Variants in BICD1 observed in about 807,000 individuals in gnomAD.
The protein encoded by BICD1 is BICD cargo adaptor 1, also known as protein bicaudal D homolog 1.
A neutral mutation model predicts 92.5 loss-of-function variants in BICD1; 35 were observed. The ratio of observed to expected loss-of-function variants is 0.38; its 90% CI spans 0.29 to 0.50. BICD1 has a LOEUF of 0.50. Among genes scored for constraint, BICD1 ranks in the 20% least tolerant of loss-of-function variants. The pLI is 0.93. For synonymous variants in BICD1, 429 were observed against 465.1 expected (o/e 0.92, Z 1.00); for missense variants, 950 against 1,189.8 (o/e 0.80, Z 2.97).
At position 32,285,174 on chromosome 12, in the gene BICD1, A is replaced by G. The variant is rs78512647; in HGVS notation, c.427-8820A>G. 9.8e-3 allele frequency among the ~76,000 whole-genome samples: 1,492 copies of G among 152,286 alleles called. 31 individuals are homozygous for G. Among genetic ancestry groups the G allele is most frequent in the African/African-American group, 0.034 (1,403 of 41,544 alleles). On this transcript the variant is annotated intron_variant, in intron 2 of 9. Coordinates refer to ENST00000652176, the MANE Select transcript of BICD1 (RefSeq NM_001714.4). ...TACTTTTCCTTCAAGGTTCTACCCA[A>G]TGATAACTTCCTTTATAAAGTGTTC...
chr12:32,376,208 C>T (rs1044165132), intron 9 of BICD1, among the ~76,000 whole-genome samples: 1 of 151,514 alleles, frequency 6.6e-6, no homozygotes, highest in Non-Finnish European at 1.5e-5. Context: ...CTCAGCCTCC[C>T]GAATAGCTGG....
chr12:32,322,910 G>A (rs1008315620), intron 4 of BICD1, among the ~76,000 whole-genome samples: 3 of 152,096 alleles, frequency 2.0e-5, no homozygotes, highest in African/African-American at 7.2e-5. Context: ...AGGGCGTTTT[G>A]GAAACAGCCT....
At chr12:32,201,747 A>G (rs1250549562) in intron 1 of BICD1, among the ~76,000 whole-genome samples, 1 of 152,160 alleles carries the variant, frequency 6.6e-6, no homozygotes, top group African/African-American at 2.4e-5. Context: ...CAAGACCCAG[A>G]AAAAATAGTT....
rs1450703800 is a variant in BICD1 at position 32,381,590 on chromosome 12, C to T, written c.*3963C>T. On this transcript the variant is annotated 3_prime_UTR_variant, in exon 10 of 10. Transcript: ENST00000652176. Reference sequence around the variant, plus strand: ...ACATGAAAAGGAAGAAATGAAATATCTTTTCTTCTGGGATGAGTGTCAATT... The same window carrying T: ...ACATGAAAAGGAAGAAATGAAATATTTTTTCTTCTGGGATGAGTGTCAATT... 1.3e-5 allele frequency: 2 copies of T among 152,082 alleles called. No homozygotes were observed. The highest frequency in any genetic ancestry group is 2.9e-5 in the Non-Finnish European group (2 of 67,972). The allele number at this position is 152,082 out of a possible 1,614,324, so 9.4% of individuals were successfully genotyped here.
At position 32,327,933 on chromosome 12, in the gene BICD1, T is replaced by C; in HGVS notation, c.1478T>C (p.Ile493Thr). 4 of 1,614,090 alleles carry C rather than the reference T, an allele frequency of 2.5e-6. No homozygotes were observed. The South Asian group carries it at 4.4e-5, about 18-fold the overall frequency. The stretch of plus-strand genomic sequence containing the variant: ...AAGGAGTTGCAAAAGATGACCAGCA[T>C]AGCCAACGAAAATCACAGTACCCTT... ...MEKELQKMTS[I>T]ANENHSTLNT... The change falls in exon 5 of 10, where the codon ATA becomes ACA. Residue 493 changes from isoleucine to threonine, a missense_variant. Physicochemically the swap from Ile to Thr is moderately conservative, Grantham distance 89. This residue lies in a region of BICD1 where 309 missense variants were observed against 499.4 expected (regional missense o/e 0.62). Coordinates refer to ENST00000652176, the MANE Select transcript of BICD1 (RefSeq NM_001714.4).
At chr12:32,318,520 T>C (rs1948565297) in intron 4 of BICD1, among the ~76,000 whole-genome samples, 1 of 152,168 alleles carries the variant, frequency 6.6e-6, no homozygotes, top group Non-Finnish European at 1.5e-5. Context: ...GTTTGTCTGT[T>C]ATTGGTGTAT....
At chr12:32,272,671 A>C (rs765864969) in intron 2 of BICD1, among the ~76,000 whole-genome samples, 1 of 152,164 alleles carries the variant, frequency 6.6e-6, no homozygotes, top group African/African-American at 2.4e-5. Flanking sequence ...TAAAAATACC[A>C]AAAAGTTAGC....
intron 8 of BICD1, 149 bp downstream of exon 8, chr12:32,339,128 C>T (rs948112344): frequency 7.4e-7 from 1 of 1,347,296 alleles, no homozygotes. Flanking sequence ...CTTCCTTACA[C>T]TTAGCTTCCC....
intron 2 of BICD1, among the ~76,000 whole-genome samples, chr12:32,283,984 G>A (rs1424305481): frequency 6.6e-6 from 1 of 152,218 alleles, no homozygotes; most frequent in African/African-American, 2.4e-5. Flanking sequence ...GGGCTAAAGT[G>A]GGTCTCCCCT....
At chr12:32,281,396 A>G (rs999628105) in intron 2 of BICD1, among the ~76,000 whole-genome samples, 1 of 152,146 alleles carries the variant, frequency 6.6e-6, no homozygotes, top group Non-Finnish European at 1.5e-5. Flanking sequence ...ATTACTGCCC[A>G]ACAGAGAATT....
intron 1 of BICD1, among the ~76,000 whole-genome samples, chr12:32,160,315 G>A (rs1943563164): frequency 6.6e-6 from 1 of 152,178 alleles, no homozygotes; most frequent in Non-Finnish European, 1.5e-5. Context: ...GTTTTGACAA[G>A]ATGTTTATAA....
intron 2 of BICD1, among the ~76,000 whole-genome samples, chr12:32,247,201 G>A (rs576236567): frequency 1.3e-5 from 2 of 149,240 alleles, no homozygotes; most frequent in South Asian, 4.2e-4. Context: ...ACTCGCTCTG[G>A]GTTTCGCTCT....
At chr12:32,280,118 A>ATAAATAAC (rs2136166762) in intron 2 of BICD1, among the ~76,000 whole-genome samples, 1 of 149,092 alleles carries the variant, frequency 6.7e-6, no homozygotes, top group East Asian at 2.0e-4. Flanking sequence ...AAATAAATAA[A>ATAAATAAC]AATAAAGTGA....
chr12:32,278,861 A>C (rs1017364748), intron 2 of BICD1, among the ~76,000 whole-genome samples: 19 of 108,248 alleles, frequency 1.8e-4, no homozygotes, highest in Non-Finnish European at 6.2e-5. Flanking sequence ...GTCTCAAAGA[A>C]ATAAAATAAA....
At position 32,120,638 on chromosome 12, in the gene BICD1, T is replaced by G. The variant is rs141363992; in HGVS notation, c.213+13094T>G. On this transcript the variant is annotated intron_variant, in intron 1 of 9. Transcript: ENST00000652176. ...GATGGTTTTAGGAGATATCTTGAAG[T>G]TGACCTTGTGTGAGGTTACTGGATG... 2.2e-3 allele frequency among the ~76,000 whole-genome samples: 328 copies of G among 152,312 alleles called. 1 individual carries two copies. The highest frequency in any genetic ancestry group is 3.9e-3 in the Non-Finnish European group (266 of 68,028).
At chr12:32,204,346 C>CAAA (rs35842294) in intron 1 of BICD1, among the ~76,000 whole-genome samples, 12 of 132,064 alleles carry the variant, frequency 9.1e-5, no homozygotes, top group East Asian at 2.2e-4. Flanking sequence ...GAGACCCTGT[C>CAAA]AAAAAAAAAA....
chr12:32,184,644 A>G (rs2121526715), intron 1 of BICD1, among the ~76,000 whole-genome samples: 1 of 152,334 alleles, frequency 6.6e-6, no homozygotes. Flanking sequence ...GAATAACAGC[A>G]AAGGAACTTA....
At chr12:32,115,387 GTT>G (rs4035442) in intron 1 of BICD1, among the ~76,000 whole-genome samples, 18 of 142,402 alleles carry the variant, frequency 1.3e-4, no homozygotes, top group South Asian at 2.2e-4. Flanking sequence ...GGTGTTTTTG[GTT>G]TTTTTTTTTT....
intron 8 of BICD1, among the ~76,000 whole-genome samples, chr12:32,342,202 G>GTATA (rs1377522369): frequency 3.0e-5 from 3 of 98,460 alleles, no homozygotes; most frequent in Non-Finnish European, 4.1e-5. Context: ...ATGTGTGTGT[G>GTATA]TGTATATATA....
Sources: gnomAD v4.1 joint callset for allele counts (sites outside exome capture counted in the v4.1 genomes callset) on GRCh38, gnomAD v4.1.1 for gene constraint, gnomAD v4.1.1 regional missense constraint, MANE v1.5 for transcripts, NCBI Gene and HGNC (gene_info 2026-07-23, HGNC 2026-07-21) for gene names.